FAM135B: variants seen among roughly 807,000 people sequenced by gnomAD.
The protein encoded by FAM135B is protein FAM135B.
A neutral mutation model predicts 127.7 loss-of-function variants in FAM135B; 43 were observed. The ratio of observed to expected loss-of-function variants is 0.34; its 90% confidence interval spans 0.26 to 0.43. The LOEUF (loss-of-function observed/expected upper bound fraction) is 0.43, where lower values mean the gene tolerates loss of function less well. FAM135B is among the 20% of genes least tolerant of loss of function. The probability of loss-of-function intolerance (pLI) is 1.00; values close to 1 mark genes in which losing one functional copy is unlikely to be tolerated. For synonymous variants in FAM135B, 670 were observed against 665.1 expected, an observed-to-expected ratio of 1.01 and a Z score of -0.11; for missense variants, 1,558 against 1,725.6, an observed-to-expected ratio of 0.90 and a Z score of 1.72.
chr8:138,310,763 C>A, intron 3 of FAM135B, 78 bp downstream of exon 3: 1 of 1,332,398 alleles, frequency 7.5e-7, no homozygotes, highest in South Asian at 1.3e-5. Flanking sequence ...GCCTTGCACT[C>A]TGCTGTGCCC....
At chr8:138,172,514 T>C (rs1168954544) in intron 11 of FAM135B, among the ~76,000 whole-genome samples, 1 of 152,246 alleles carries the variant, frequency 6.6e-6, no homozygotes, top group African/African-American at 2.4e-5. Flanking sequence ...TGGTCCTACT[T>C]GGTCAAATCA....
At chr8:138,162,434 G>A (rs530899138) in intron 12 of FAM135B, among the ~76,000 whole-genome samples, 5 of 152,246 alleles carry the variant, frequency 3.3e-5, no homozygotes, top group African/African-American at 4.8e-5. Flanking sequence ...AGGAACCCTC[G>A]TGCAAACTAG....
At chr8:138,177,163 C>A (rs1381855203) in intron 11 of FAM135B, among the ~76,000 whole-genome samples, 184 bp downstream of exon 11, 1 of 152,208 alleles carries the variant, frequency 6.6e-6, no homozygotes, top group Non-Finnish European at 1.5e-5. Flanking sequence ...TTCTCTGCCA[C>A]CTGCCAGCTC....
intron 3 of FAM135B, among the ~76,000 whole-genome samples, chr8:138,306,435 GAAAAAAAAAGAAA>G (rs199573685): frequency 0.019 from 2,538 of 130,978 alleles, 168 homozygotes; most frequent in Admixed American, 0.13. Context: ...ACTCCGTCTC[GAAAAAAAAAGAAA>G]AAAAAAAAAG....
At chr8:138,283,155 T>C (rs1396029303) in intron 3 of FAM135B, among the ~76,000 whole-genome samples, 1 of 152,006 alleles carries the variant, frequency 6.6e-6, no homozygotes, top group Non-Finnish European at 1.5e-5. Context: ...CACCTCAGCC[T>C]CCCAAAGTTC....
intron 6 of FAM135B, among the ~76,000 whole-genome samples, chr8:138,244,366 A>G (rs987598245): frequency 6.9e-6 from 1 of 145,982 alleles, no homozygotes; most frequent in Non-Finnish European, 1.5e-5. Flanking sequence ...CAATAAATCC[A>G]GCCTCTCAGG....
At chr8:138,486,625 G>A (rs897339307) in intron 1 of FAM135B, among the ~76,000 whole-genome samples, 16 of 152,166 alleles carry the variant, frequency 1.1e-4, no homozygotes, top group Non-Finnish European at 1.3e-4. Context: ...GCCTCAAGGA[G>A]GAAGACTGTG....
chr8:138,460,784 G>A (rs1212318320), intron 1 of FAM135B, among the ~76,000 whole-genome samples: 1 of 152,024 alleles, frequency 6.6e-6, no homozygotes, highest in Non-Finnish European at 1.5e-5. Context: ...CTTCTTCCCT[G>A]AACAGAGATG....
intron 5 of FAM135B, 26 bp downstream of exon 5, chr8:138,256,662 CA>C (rs765901371): frequency 3.1e-6 from 5 of 1,600,970 alleles, no homozygotes; most frequent in Non-Finnish European, 4.3e-6. Context: ...TGTGCTACTA[CA>C]ATTCAATAAT....
chr8:138,155,159 G>A (rs896258405), intron 12 of FAM135B, among the ~76,000 whole-genome samples: 2 of 152,162 alleles, frequency 1.3e-5, no homozygotes, highest in African/African-American at 4.8e-5. Flanking sequence ...TTAAAGAAAA[G>A]AACTTTCAAC....
At chr8:138,375,635 T>A (rs1385086936) in intron 1 of FAM135B, among the ~76,000 whole-genome samples, 1 of 152,208 alleles carries the variant, frequency 6.6e-6, no homozygotes, top group Non-Finnish European at 1.5e-5. Flanking sequence ...TATATCTAGT[T>A]AATTGTATGA....
At chr8:138,456,397 A>G (rs1463223370) in intron 1 of FAM135B, among the ~76,000 whole-genome samples, 1 of 152,174 alleles carries the variant, frequency 6.6e-6, no homozygotes, top group African/African-American at 2.4e-5. Context: ...TGCATTTCTG[A>G]AGAGGGTGAA....
intron 1 of FAM135B, among the ~76,000 whole-genome samples, chr8:138,392,511 C>T (rs1320314817): frequency 1.3e-5 from 2 of 152,168 alleles, no homozygotes; most frequent in African/African-American, 4.8e-5. Flanking sequence ...ATACTGCAAT[C>T]AACCTGTCCA....
chr8:138,429,339 T>C (rs1474014631), intron 1 of FAM135B, among the ~76,000 whole-genome samples: 2 of 152,180 alleles, frequency 1.3e-5, no homozygotes, highest in Non-Finnish European at 2.9e-5. Flanking sequence ...AGGTGGTTAA[T>C]AGCTCTCCCT....
chr8:138,374,152 G>A (rs186582009), intron 1 of FAM135B, among the ~76,000 whole-genome samples: 8 of 152,142 alleles, frequency 5.3e-5, no homozygotes, highest in African/African-American at 7.2e-5. Context: ...TCCCTCGGAC[G>A]CCCAGCTTTA....
At chr8:138,372,209 G>A (rs946423995) in intron 1 of FAM135B, among the ~76,000 whole-genome samples, 2 of 152,280 alleles carry the variant, frequency 1.3e-5, no homozygotes, top group Non-Finnish European at 2.9e-5. Context: ...ACCTGAAGTC[G>A]GCACACCTGC....
chr8:138,217,048 G>A lies in FAM135B; in HGVS notation c.670-19379C>T, dbSNP rs141408307. Among the ~76,000 whole-genome samples the A allele has an allele frequency of 3.2e-3, 493 of 152,232 alleles. 2 individuals are homozygous for A. The East Asian group carries it at 0.037, about 11-fold the overall frequency. On this transcript the variant is annotated intron_variant, in intron 7 of 19. Transcript: ENST00000395297. ...ATAATAATAGTCACCTCGAAGCTGC[G>A]AGGGATAAGTGAGATAATCTATGTA...
chr8:138,344,671 G>T (rs540455811), intron 2 of FAM135B, among the ~76,000 whole-genome samples: 1 of 146,204 alleles, frequency 6.8e-6, no homozygotes, highest in East Asian at 2.1e-4. Flanking sequence ...CGCCTCCCAG[G>T]TTCATGACAT....
At chr8:138,202,323 C>T (rs1817203893) in intron 7 of FAM135B, among the ~76,000 whole-genome samples, 1 of 151,942 alleles carries the variant, frequency 6.6e-6, no homozygotes, top group Non-Finnish European at 1.5e-5. Context: ...AATCATGGCT[C>T]ATTGCAGCCT....
Sources: gnomAD v4.1 joint callset for allele counts (sites outside exome capture counted in the v4.1 genomes callset) on GRCh38, gnomAD v4.1.1 for gene constraint, MANE v1.5 for transcripts, NCBI Gene and HGNC (gene_info 2026-07-23, HGNC 2026-07-21) for gene names.